Variants in SAMD8 observed in about 807,000 individuals in gnomAD.
SAMD8 encodes sterile alpha motif domain containing 8, also known as sphingomyelin synthase-related protein 1.
A neutral mutation model predicts 42.0 loss-of-function variants in SAMD8; 20 were observed. The ratio of observed to expected loss-of-function variants is 0.48; its 90% confidence interval spans 0.34 to 0.69. SAMD8 has a LOEUF of 0.69. Among genes scored for constraint, SAMD8 ranks in the 30% least tolerant of loss-of-function variants. The probability of loss-of-function intolerance (pLI) is 0.01; values close to 1 mark genes in which losing one functional copy is unlikely to be tolerated. For synonymous variants in SAMD8, 162 were observed against 173.0 expected (o/e 0.94, Z 0.50); for missense variants, 328 against 511.6 (o/e 0.64, Z 3.46).
At chr10:75,169,883 TG>T (rs1326369276) in intron 4 of SAMD8, among the ~76,000 whole-genome samples, 1 of 152,182 alleles carries the variant, frequency 6.6e-6, no homozygotes, top group Admixed American at 6.5e-5. Context: ...TACTCCAGCC[TG>T]GGCAACAAGA....
intron 1 of SAMD8, 122 bp downstream of exon 1, chr10:75,111,844 G>A (rs1848777089): frequency 1.7e-6 from 2 of 1,154,974 alleles, no homozygotes; most frequent in African/African-American, 1.6e-5. Flanking sequence ...GGGCCCCGGG[G>A]AGACGGTTGA....
Position 75,150,622 on chromosome 10 carries a change from A to G in SAMD8, c.94A>G (p.Ile32Val), listed in dbSNP as rs1317206246. Reference sequence around the variant, plus strand: ...TGAAGGCTTTTTTGAATATGTGGACATTTTATGCAATAAGCACCGACTTGA... The same window carrying G: ...TGAAGGCTTTTTTGAATATGTGGACGTTTTATGCAATAAGCACCGACTTGA... The part of the protein sequence containing the change: ...KDEGFFEYVD[I>V]LCNKHRLDGI... The change falls in exon 2 of 6, where the codon ATT (isoleucine) becomes GTT (valine). Residue 32 changes from isoleucine to valine, a missense_variant. Transcript: ENST00000542569. The G allele has an allele frequency of 6.2e-7, 1 of 1,614,072 alleles. No individual in the cohort carries two copies. Among genetic ancestry groups the G allele is most frequent in the Non-Finnish European group, 8.5e-7 (1 of 1,180,040 alleles).
intron 1 of SAMD8, among the ~76,000 whole-genome samples, chr10:75,127,083 G>A (rs1427584769): frequency 6.6e-6 from 1 of 151,816 alleles, no homozygotes; most frequent in Non-Finnish European, 1.5e-5. Context: ...CAACTACTCG[G>A]GAGGCTGAGA....
chr10:75,111,401 G>A, upstream of SAMD8: 1 of 773,578 alleles, frequency 1.3e-6, no homozygotes, highest in Non-Finnish European at 1.7e-6. Context: ...CTCCTCTCGG[G>A]CCCATCTGGA....
chr10:75,136,138 T>G (rs914148124), intron 1 of SAMD8, among the ~76,000 whole-genome samples: 1 of 152,126 alleles, frequency 6.6e-6, no homozygotes, highest in Non-Finnish European at 1.5e-5. Flanking sequence ...TTCTTTAATT[T>G]GTAGTATGGT....
chr10:75,168,519 C>T (rs774858167), intron 3 of SAMD8, 22 bp from the exon 4 acceptor site: 1 of 1,607,636 alleles, frequency 6.2e-7, no homozygotes, highest in African/African-American at 1.3e-5. Context: ...ATCTTTCCCC[C>T]TTTTTGGTTG....
upstream of SAMD8, among the ~76,000 whole-genome samples, chr10:75,107,544 GGTTC>G (rs1172313158): frequency 3.3e-5 from 5 of 152,094 alleles, no homozygotes; most frequent in African/African-American, 1.2e-4. Flanking sequence ...GAAGGAATCG[GGTTC>G]GACAAAATGC....
chr10:75,100,846 C>G (rs1442579018), intron 1 of SAMD8, among the ~76,000 whole-genome samples: 5 of 152,252 alleles, frequency 3.3e-5, no homozygotes, highest in Non-Finnish European at 7.3e-5. Context: ...CCCCAGGAAG[C>G]TCATGTGCCT....
chr10:75,131,179 T>A (rs1240557722), intron 1 of SAMD8, among the ~76,000 whole-genome samples: 1 of 152,232 alleles, frequency 6.6e-6, no homozygotes, highest in African/African-American at 2.4e-5. Context: ...CCTTCTGTTA[T>A]CCCTTTCTTT....
chr10:75,152,147 G>A (rs1375620968), intron 2 of SAMD8, among the ~76,000 whole-genome samples: 1 of 151,786 alleles, frequency 6.6e-6, no homozygotes, highest in Non-Finnish European at 1.5e-5. Flanking sequence ...ATCACAAAGA[G>A]GACAAGTGGA....
chr10:75,156,724 A>T (rs1255919016), intron 2 of SAMD8, among the ~76,000 whole-genome samples: 2 of 152,208 alleles, frequency 1.3e-5, no homozygotes, highest in African/African-American at 2.4e-5. Context: ...AAGACAGCTG[A>T]CATGGACTCT....
intron 3 of SAMD8, 117 bp from the exon 4 acceptor site, chr10:75,168,424 C>CTTT: frequency 6.6e-7 from 1 of 1,512,114 alleles, no homozygotes; most frequent in Non-Finnish European, 8.8e-7. Context: ...TTTCTGTCCT[C>CTTT]TTCAAAGAGT....
chr10:75,138,962 T>TC (rs1253448083), intron 1 of SAMD8, among the ~76,000 whole-genome samples: 15 of 96,178 alleles, frequency 1.6e-4, no homozygotes, highest in African/African-American at 6.7e-4. Flanking sequence ...TTTTTTCTTT[T>TC]TTTTTTTTTT....
intron 4 of SAMD8, 88 bp downstream of exon 4, chr10:75,168,746 T>A (rs1589976420): frequency 2.5e-6 from 2 of 811,022 alleles, no homozygotes; most frequent in Middle Eastern, 2.3e-4. Context: ...CTTATAGTAT[T>A]AAAATGTGCT....
chr10:75,120,127 G>A (rs1187899913), intron 1 of SAMD8, among the ~76,000 whole-genome samples: 2 of 152,134 alleles, frequency 1.3e-5, no homozygotes, highest in African/African-American at 4.8e-5. Flanking sequence ...TTGTGTGTTG[G>A]TATAATTAAG....
intron 2 of SAMD8, 149 bp from the exon 3 acceptor site, chr10:75,164,496 C>T: frequency 2.2e-6 from 3 of 1,363,012 alleles, no homozygotes; most frequent in African/African-American, 3.0e-5. Context: ...CAGATTTTTT[C>T]TCCCAGTTTC....
At chr10:75,122,431 G>A (rs1425619009) in intron 1 of SAMD8, among the ~76,000 whole-genome samples, 1 of 151,828 alleles carries the variant, frequency 6.6e-6, no homozygotes, top group Non-Finnish European at 1.5e-5. Context: ...GGCCAACATG[G>A]CAAAACCCTG....
intron 1 of SAMD8, among the ~76,000 whole-genome samples, chr10:75,131,870 C>T (rs2134446647): frequency 6.6e-6 from 1 of 152,268 alleles, no homozygotes; most frequent in South Asian, 2.1e-4. Flanking sequence ...TCTCAAGCCT[C>T]ACTGTGCATT....
intron 1 of SAMD8, among the ~76,000 whole-genome samples, chr10:75,119,747 A>G (rs1259728988): frequency 6.6e-6 from 1 of 152,192 alleles, no homozygotes; most frequent in East Asian, 1.9e-4. Flanking sequence ...TAAAGGTTTC[A>G]TTTTGTTGAT....
Sources: gnomAD v4.1 joint callset for allele counts (sites outside exome capture counted in the v4.1 genomes callset) on GRCh38, gnomAD v4.1.1 for gene constraint, MANE v1.5 for transcripts, NCBI Gene and HGNC (gene_info 2026-07-23, HGNC 2026-07-21) for gene names.